The following SSH1 variants were observed in gnomAD, a reference collection of about 807,000 sequenced individuals.
SSH1 encodes protein phosphatase Slingshot homolog 1.
SSH1 carries 43 observed loss-of-function variants against 79.7 expected under a neutral mutation model. The ratio of observed to expected loss-of-function variants is 0.54; its 90% CI spans 0.42 to 0.70. The LOEUF (loss-of-function observed/expected upper bound fraction) is 0.70, where lower values mean the gene tolerates loss of function less well. Ranked by LOEUF, SSH1 falls within the 30% of genes least tolerant of loss-of-function variation. The probability of loss-of-function intolerance (pLI) is 0.00; values close to 1 mark genes in which losing one functional copy is unlikely to be tolerated. For synonymous variants in SSH1, 599 were observed against 538.3 expected (o/e 1.11, Z -1.56); for missense variants, 1,206 against 1,358.8 (o/e 0.89, Z 1.77).
intron 13 of SSH1, among the ~76,000 whole-genome samples, chr12:108,796,120 T>C (rs1470788352): frequency 6.6e-6 from 1 of 152,158 alleles, no homozygotes; most frequent in Non-Finnish European, 1.5e-5. Flanking sequence ...TTAACCTTGT[T>C]GGCCAGACTG....
intron 11 of SSH1, among the ~76,000 whole-genome samples, chr12:108,801,556 G>A (rs773383385): frequency 1.1e-4 from 17 of 152,224 alleles, no homozygotes; most frequent in Non-Finnish European, 7.4e-5. Flanking sequence ...CCAGCAAGAC[G>A]AAAGCACAGA....
chr12:108,843,535 T>C (rs751188204), intron 2 of SSH1, among the ~76,000 whole-genome samples: 7 of 152,024 alleles, frequency 4.6e-5, no homozygotes, highest in Non-Finnish European at 1.0e-4. Flanking sequence ...TTTGTTGTTG[T>C]TGTTTGTTTG....
chr12:108,789,023 G>T lies in SSH1; in HGVS notation c.2115C>A (p.Ala705=), dbSNP rs762141508. 1.2e-6 allele frequency: 2 copies of T among 1,609,076 alleles called. No homozygotes were observed. Among genetic ancestry groups the T allele is most frequent in the Non-Finnish European group, 1.7e-6 (2 of 1,176,588 alleles). The stretch of plus-strand genomic sequence containing the variant: ...ACGGGGGAGGTTCGGTTGGGCCAGA[G>T]GCTGGCTTCTCCGGAACACGGGACC... ...ASRSRVPEKP[A]SGPTEPPPFL... is the part of the protein sequence containing the mutation. The change falls in exon 15 of 15, where the codon GCC becomes GCA. Residue 705 remains alanine, a synonymous_variant. Coordinates refer to ENST00000326495, the MANE Select transcript of SSH1 (RefSeq NM_018984.4).
intron 10 of SSH1, among the ~76,000 whole-genome samples, chr12:108,803,493 A>G (rs548883050): frequency 6.6e-6 from 1 of 152,124 alleles, no homozygotes; most frequent in Non-Finnish European, 1.5e-5. Context: ...CCAAGAGGGC[A>G]GACCCCTCAG....
chr12:108,837,314 G>A (rs918121628), intron 2 of SSH1, among the ~76,000 whole-genome samples: 4 of 152,220 alleles, frequency 2.6e-5, no homozygotes, highest in Non-Finnish European at 5.9e-5. Flanking sequence ...GGAGAGCCAA[G>A]AGACAGGATA....
intron 2 of SSH1, among the ~76,000 whole-genome samples, chr12:108,851,882 G>T (rs887627073): frequency 6.6e-6 from 1 of 151,664 alleles, no homozygotes; most frequent in East Asian, 1.9e-4. Context: ...TTTTTTTTAA[G>T]CAGAAGAATA....
chr12:108,848,650 T>C (rs2038953274), intron 2 of SSH1, among the ~76,000 whole-genome samples: 1 of 152,222 alleles, frequency 6.6e-6, no homozygotes, highest in Admixed American at 6.5e-5. Flanking sequence ...ACAACTTTTC[T>C]TGTGTAGCGA....
intron 5 of SSH1, among the ~76,000 whole-genome samples, chr12:108,815,589 T>A (rs1229837732): frequency 4.6e-5 from 7 of 152,216 alleles, no homozygotes; most frequent in Non-Finnish European, 7.3e-5. Context: ...ACCGTACAGA[T>A]AATGGCCAAA....
Position 108,807,941 on chromosome 12 carries a change from A to G in SSH1, c.537-114T>C. The G allele has an allele frequency of 1.0e-6, 1 of 963,546 alleles. No individual in the cohort carries two copies. 59.7% of individuals were successfully genotyped at this position (963,546 alleles called of 1,614,324 possible). A position where few individuals can be genotyped will look rare whatever the true frequency, so the allele number is the denominator to read the frequency against. ...GGGAAGGGCAATGATTGATTGGTTG[A>G]TTATTTCTTTTTGGGACAGAGTCTC... On this transcript the variant is annotated intron_variant, in intron 7 of 14. Coordinates refer to ENST00000326495, the MANE Select transcript of SSH1 (RefSeq NM_018984.4). This position sits in a 1 kb window ranked among gnomAD's most constrained non-coding sequence, Gnocchi z 5.2.
Position 108,780,255 on chromosome 12 carries a change from C to T in SSH1, c.*7733G>A, listed in dbSNP as rs545610780. 7 of 152,286 alleles carry T rather than the reference C, an allele frequency of 4.6e-5. No individual in the cohort carries two copies. The highest frequency in any genetic ancestry group is 1.7e-4 in the African/African-American group (7 of 41,558). 9.4% of individuals were successfully genotyped at this position (152,286 alleles called of 1,614,324 possible). A position where few individuals can be genotyped will look rare whatever the true frequency, so the allele number is the denominator to read the frequency against. ...AGAGGGGGTTCCCCAGGCATAAACA[C>T]AAACAAGCATGCGGATCCTCCCCAG... is the stretch of plus-strand genomic sequence containing the variant. On this transcript the variant is annotated 3_prime_UTR_variant, in exon 15 of 15. Coordinates refer to ENST00000326495, the MANE Select transcript of SSH1 (RefSeq NM_018984.4).
intron 10 of SSH1, among the ~76,000 whole-genome samples, chr12:108,804,562 G>A (rs1042233436): frequency 3.9e-5 from 6 of 152,252 alleles, no homozygotes; most frequent in Non-Finnish European, 8.8e-5. Context: ...GCCGTGCATG[G>A]AAAAGCTGTC....
Position 108,788,756 on chromosome 12 carries a change from A to C in SSH1, c.2382T>G (p.Ser794Arg). The C allele has an allele frequency of 6.2e-7, 1 of 1,614,252 alleles. No individual in the cohort carries two copies. The highest frequency in any genetic ancestry group is 8.5e-7 in the Non-Finnish European group (1 of 1,180,050). ...TGGTTGTCGGCTTCTCAGATTCATT[A>C]CTGAACAGAAGCCTCAGGTCCTTGG... ...KPAKDLRLLF[S>R]NESEKPTTNS... The change falls in exon 15 of 15, where the codon AGT becomes AGG. Residue 794 changes from serine (S) to arginine (R), a missense_variant. Ser to Arg is a moderately radical substitution (Grantham distance 110). This residue lies in a region of SSH1 where 709 missense variants were observed against 730.6 expected (regional missense o/e 0.97). Transcript: ENST00000326495.
At chr12:108,852,722 C>T (rs755112717) in intron 1 of SSH1, 44 bp from the exon 2 acceptor site, 11 of 1,613,476 alleles carry the variant, frequency 6.8e-6, no homozygotes, top group Non-Finnish European at 9.3e-6. Flanking sequence ...GCACCACTGT[C>T]AACACGCCTC....
Position 108,788,348 on chromosome 12 carries a change from G to A in SSH1, c.2790C>T (p.Ser930=). The A allele has an allele frequency of 6.2e-7, 1 of 1,613,246 alleles. No homozygotes were observed. Among genetic ancestry groups the A allele is most frequent in the Non-Finnish European group, 8.5e-7 (1 of 1,179,956 alleles). ...CGCTGCTGGAGCTCCGGGTCAGGTT[G>A]GAGCTCATGGAAGAGGAGGTGGGGG... The part of the protein sequence containing the change: ...CYTPTSSSMS[S]NLTRSSSSDS... Residue 930 remains serine, a synonymous_variant, in exon 15 of 15, where the codon TCC becomes TCT. Coordinates refer to ENST00000326495, the MANE Select transcript of SSH1 (RefSeq NM_018984.4).
At chr12:108,852,491 A>G in intron 2 of SSH1, 147 bp downstream of exon 2, 2 of 913,870 alleles carry the variant, frequency 2.2e-6, no homozygotes, top group African/African-American at 1.6e-5. Context: ...CAGCCTCCCA[A>G]AGTGCTGGAA....
chr12:108,820,447 A>G (rs2038073995), intron 3 of SSH1, among the ~76,000 whole-genome samples: 1 of 152,010 alleles, frequency 6.6e-6, no homozygotes, highest in African/African-American at 2.4e-5. Context: ...CCCACCATCT[A>G]CCCGAGTCAC....
intron 2 of SSH1, among the ~76,000 whole-genome samples, chr12:108,831,251 G>A (rs558291850): frequency 3.3e-5 from 5 of 152,300 alleles, no homozygotes; most frequent in African/African-American, 1.2e-4. Flanking sequence ...ACTCTGCATG[G>A]TGATTACTGA....
rs142832179 is a variant in SSH1, at chr12:108,794,997, A to G, written c.1350-2168T>C. On this transcript the variant is annotated intron_variant, in intron 13 of 14. Transcript: ENST00000326495. ...AAACGCAGATTCACTGAGCCAGATG[A>G]AGGCATACATGACTCTCTTCCCCCT... Among the ~76,000 whole-genome samples the G allele has an allele frequency of 5.0e-4, 76 of 152,292 alleles. 1 individual carries two copies. The highest frequency in any genetic ancestry group is 1.8e-3 in the African/African-American group (75 of 41,566).
At position 108,828,625 on chromosome 12, in the gene SSH1, G is replaced by A. The variant is rs150567128; in HGVS notation, c.111-5264C>T. 6.1e-3 allele frequency among the ~76,000 whole-genome samples: 928 copies of A among 152,252 alleles called. 6 individuals are homozygous for A. The highest frequency in any genetic ancestry group is 9.3e-3 in the Non-Finnish European group (636 of 68,022). ...AGCAAACAGAACTCCAGGAAGACGAGACTGTGCCGGGGTTCTTCCATCTGC... is the reference window on the plus strand; with the variant it reads ...AGCAAACAGAACTCCAGGAAGACGAAACTGTGCCGGGGTTCTTCCATCTGC... On this transcript the variant is annotated intron_variant, in intron 2 of 14. Coordinates refer to ENST00000326495, the MANE Select transcript of SSH1 (RefSeq NM_018984.4).
Sources: allele counts gnomAD v4.1 joint callset (sites outside exome capture counted in the v4.1 genomes callset), GRCh38; gene constraint gnomAD v4.1.1; regional missense constraint gnomAD v4.1.1; non-coding constraint Gnocchi (gnomAD v3.1); transcripts MANE v1.5; gene names NCBI Gene and HGNC (gene_info 2026-07-23, HGNC 2026-07-21).